The following FOXN3 variants were observed in gnomAD, a reference collection of about 807,000 sequenced individuals.
FOXN3 encodes forkhead box N3, also known as forkhead box protein N3.
A neutral mutation model predicts 38.4 loss-of-function variants in FOXN3; 7 were observed. The observed-to-expected ratio is 0.18, with a 90% CI of 0.10 to 0.34. The LOEUF (loss-of-function observed/expected upper bound fraction) is 0.34, where lower values mean the gene tolerates loss of function less well. Ranked by LOEUF, FOXN3 falls within the 10% of genes least tolerant of loss-of-function variation. The pLI, the probability that FOXN3 is intolerant of heterozygous loss-of-function variation, is 1.00. For synonymous variants in FOXN3, 230 were observed against 242.2 expected, an observed-to-expected ratio of 0.95 and a Z score of 0.47; for missense variants, 456 against 613.4, an observed-to-expected ratio of 0.74 and a Z score of 2.71.
chr14:89,435,033 A>C (rs1360055375), intron 1 of FOXN3, among the ~76,000 whole-genome samples: 1 of 152,192 alleles, frequency 6.6e-6, no homozygotes. Context: ...CTGTACTGCT[A>C]ATCAGATTAA....
chr14:89,611,026 C>A lies in FOXN3; in HGVS notation c.-15+8002G>T, dbSNP rs116551408. Among the ~76,000 whole-genome samples, 883 of 152,278 alleles carry A rather than the reference C, an allele frequency of 5.8e-3. 5 individuals carry two copies. Among genetic ancestry groups the A allele is most frequent in the African/African-American group, 0.021 (858 of 41,560 alleles). On this transcript the variant is annotated intron_variant, in intron 1 of 6. Transcript: ENST00000345097. Reference sequence around the variant, plus strand: ...TTGACTGAAAATGTCTACATCTGTTCCATTGCTAGTTCCACCTGGTCACAC... The same window carrying A: ...TTGACTGAAAATGTCTACATCTGTTACATTGCTAGTTCCACCTGGTCACAC...
At chr14:89,276,690 G>A (rs1250253932) in intron 4 of FOXN3, among the ~76,000 whole-genome samples, 1 of 152,216 alleles carries the variant, frequency 6.6e-6, no homozygotes, top group African/African-American at 2.4e-5. Flanking sequence ...ACACAGAGAT[G>A]TACCATCAAG....
intron 1 of FOXN3, among the ~76,000 whole-genome samples, chr14:89,445,395 T>G (rs1892472610): frequency 6.6e-6 from 1 of 152,176 alleles, no homozygotes; most frequent in African/African-American, 2.4e-5. Context: ...TGCAGTGAGA[T>G]TTGGGTAAGC....
At chr14:89,604,021 A>C (rs572569188) in intron 1 of FOXN3, among the ~76,000 whole-genome samples, 3 of 152,354 alleles carry the variant, frequency 2.0e-5, no homozygotes, top group Admixed American at 2.0e-4. Context: ...TTTACAGGAC[A>C]AACTGATTAC....
chr14:89,288,245 C>G (rs1886697297), intron 3 of FOXN3, among the ~76,000 whole-genome samples: 2 of 152,084 alleles, frequency 1.3e-5, no homozygotes, highest in South Asian at 2.1e-4. Context: ...CCCACCAACA[C>G]TATAACTGAG....
intron 3 of FOXN3, among the ~76,000 whole-genome samples, chr14:89,332,854 G>GCAAAA (rs1181094285): frequency 1.3e-5 from 2 of 152,004 alleles, no homozygotes; most frequent in East Asian, 1.9e-4. Flanking sequence ...CAACTCAACA[G>GCAAAA]CAAAACAAAA....
chr14:89,352,861 TG>T (rs1889035562), intron 2 of FOXN3, among the ~76,000 whole-genome samples: 1 of 152,180 alleles, frequency 6.6e-6, no homozygotes, highest in African/African-American at 2.4e-5. Flanking sequence ...ACTGTACCCT[TG>T]TATACCCATA....
chr14:89,368,853 T>C (rs1434675170), intron 2 of FOXN3, among the ~76,000 whole-genome samples: 2 of 152,088 alleles, frequency 1.3e-5, no homozygotes, highest in Non-Finnish European at 2.9e-5. Flanking sequence ...ATCCAGTTAA[T>C]TAATAACTGA....
chr14:89,556,978 A>G (rs989779559), intron 1 of FOXN3, among the ~76,000 whole-genome samples: 1 of 152,224 alleles, frequency 6.6e-6, no homozygotes, highest in African/African-American at 2.4e-5. Context: ...CCTGGGGTAT[A>G]GACAGACACC....
At chr14:89,339,034 CTT>C (rs1888541751) in intron 3 of FOXN3, among the ~76,000 whole-genome samples, 3 of 152,166 alleles carry the variant, frequency 2.0e-5, no homozygotes, top group Non-Finnish European at 4.4e-5. Context: ...GAGTTTCACT[CTT>C]GTTACCCAGG....
At chr14:89,570,674 T>C (rs1895472339) in intron 1 of FOXN3, among the ~76,000 whole-genome samples, 1 of 149,624 alleles carries the variant, frequency 6.7e-6, no homozygotes, top group Admixed American at 7.0e-5. Flanking sequence ...CATTATGAGT[T>C]TTTTGCAATT....
At chr14:89,360,125 G>A (rs1228474856) in intron 2 of FOXN3, among the ~76,000 whole-genome samples, 3 of 152,054 alleles carry the variant, frequency 2.0e-5, no homozygotes, top group East Asian at 3.9e-4. Context: ...ATTCCCCGGG[G>A]CCCCTGCACA....
chr14:89,532,464 C>G (rs1269594030), intron 1 of FOXN3, among the ~76,000 whole-genome samples: 1 of 152,114 alleles, frequency 6.6e-6, no homozygotes, highest in African/African-American at 2.4e-5. Context: ...AAACATGTCA[C>G]AACCATATTT....
intron 1 of FOXN3, among the ~76,000 whole-genome samples, chr14:89,425,057 CTTTTCT>C (rs1270505202): frequency 2.6e-5 from 2 of 76,010 alleles, no homozygotes; most frequent in Non-Finnish European, 5.5e-5. Context: ...GTTTTGTTTT[CTTTTCT>C]TTTTTTTTTT....
chr14:89,565,792 C>T (rs908177074), intron 1 of FOXN3, among the ~76,000 whole-genome samples: 2 of 152,196 alleles, frequency 1.3e-5, no homozygotes, highest in African/African-American at 4.8e-5. Flanking sequence ...CATAATCATT[C>T]CATCTTCACG....
intron 2 of FOXN3, among the ~76,000 whole-genome samples, chr14:89,378,908 T>C (rs138130556): frequency 0.014 from 2,118 of 152,216 alleles, 60 homozygotes; most frequent in African/African-American, 0.049. Context: ...GGTTTCACCA[T>C]GTTGGGCAGG....
In FOXN3 at chr14:89,368,785, G is replaced by C. The variant is rs573397514; in HGVS notation, c.544-17977C>G. The stretch of plus-strand genomic sequence containing the variant: ...TTTCTAAAGCCTTCTCAGCTCAGCT[G>C]AGAACTCACTGCAACCTGGGGCACA... On this transcript the variant is annotated intron_variant, in intron 2 of 5. Transcript: ENST00000557258. Among the ~76,000 whole-genome samples the C allele has an allele frequency of 5.3e-5, 8 of 152,288 alleles. No homozygotes were observed. In the South Asian group the frequency reaches 1.7e-3, roughly 32 times the overall value.
Position 89,178,351 on chromosome 14 carries a change from T to G in FOXN3, c.851+2350A>C, listed in dbSNP as rs570555329. ...TTTTTGTAGAGCTGGGATCTCCCTA[T>G]GTTGCTCAGGCTGGTCTTGAACTCC... is the stretch of plus-strand genomic sequence containing the variant. On this transcript the variant is annotated intron_variant, in intron 5 of 5. Coordinates refer to ENST00000557258, the MANE Select transcript of FOXN3 (RefSeq NM_005197.4). Among the ~76,000 whole-genome samples the G allele has an allele frequency of 1.2e-4, 18 of 152,288 alleles. No homozygotes were observed. The South Asian group carries it at 3.3e-3, about 28-fold the overall frequency.
At chr14:89,280,663 C>T (rs1241538487) in intron 4 of FOXN3, among the ~76,000 whole-genome samples, 2 of 152,084 alleles carry the variant, frequency 1.3e-5, no homozygotes, top group Non-Finnish European at 2.9e-5. Context: ...TCCAACATCA[C>T]CAAAGCAAGC....
Sources: gnomAD v4.1 joint callset for allele counts (sites outside exome capture counted in the v4.1 genomes callset) on GRCh38, gnomAD v4.1.1 for gene constraint, MANE v1.5 for transcripts, NCBI Gene and HGNC (gene_info 2026-07-23, HGNC 2026-07-21) for gene names.